CACNG7: variants seen among roughly 807,000 people sequenced by gnomAD.
CACNG7 encodes the protein voltage-dependent calcium channel gamma-7 subunit.
Under a neutral mutation model 26.3 loss-of-function variants are expected in CACNG7, and 9 were observed. The observed-to-expected ratio is 0.34, with a 90% CI of 0.21 to 0.60. CACNG7 has a LOEUF of 0.60. Ranked by LOEUF, CACNG7 falls within the 20% of genes least tolerant of loss-of-function variation. CACNG7 has a pLI of 0.81. For missense variants in CACNG7, 297 were observed against 380.4 expected (o/e 0.78, Z 1.82); for synonymous variants, 170 against 157.0 (o/e 1.08, Z -0.62).
In CACNG7 at chr19:53,942,602, T is replaced by C. The variant is rs1373240016; in HGVS notation, c.*309T>C. 1 of 1,264,642 alleles carries C rather than the reference T, an allele frequency of 7.9e-7. No homozygotes were observed. The highest frequency in any genetic ancestry group is 1.5e-5 in the African/African-American group (1 of 66,198). The allele number at this position is 1,264,642 out of a possible 1,614,324, so 78.3% of individuals were successfully genotyped here. ...AAGAAAATTAGCTCCTCCCTCGTTC[T>C]CCACCTGCTCTGAGCTGGGAGCAGC... On this transcript the variant is annotated 3_prime_UTR_variant, in exon 6 of 6. Coordinates refer to ENST00000391767, the MANE Select transcript of CACNG7 (RefSeq NM_031896.5). The surrounding 1 kb of genome is among the most constrained non-coding windows in gnomAD (Gnocchi z 5.9).
intron 2 of CACNG7, among the ~76,000 whole-genome samples, chr19:53,913,450 C>T (rs1017532226): frequency 5.3e-5 from 8 of 151,918 alleles, no homozygotes; most frequent in Non-Finnish European, 7.4e-5. Context: ...GGTGAAACCC[C>T]GTCTCTACTA....
chr19:53,929,488 G>A (rs756014286), intron 4 of CACNG7, among the ~76,000 whole-genome samples: 15 of 152,046 alleles, frequency 9.9e-5, no homozygotes, highest in Non-Finnish European at 1.6e-4. Flanking sequence ...ATGGAGTCTC[G>A]CTCTGTCGCC....
At chr19:53,925,418 G>T (rs1280070306) in intron 4 of CACNG7, among the ~76,000 whole-genome samples, 2 of 151,420 alleles carry the variant, frequency 1.3e-5, no homozygotes, top group African/African-American at 4.9e-5. Flanking sequence ...GGTCATTGGT[G>T]GAGTTGTCCC....
rs772144599 is a variant in CACNG7 at position 53,942,549 on chromosome 19, C to A, written c.*256C>A. The stretch of plus-strand genomic sequence containing the variant: ...AAATGACTCCTCCCCTTCGTTGGCC[C>A]GCCCCTTTCCTCTGGCCCCTCCTCT... On this transcript the variant is annotated 3_prime_UTR_variant, in exon 6 of 6. Coordinates refer to ENST00000391767, the MANE Select transcript of CACNG7 (RefSeq NM_031896.5). The surrounding 1 kb of genome is among the most constrained non-coding windows in gnomAD (Gnocchi z 5.9). The A allele has an allele frequency of 1.4e-6, 2 of 1,380,406 alleles. No homozygotes were observed. Among genetic ancestry groups the A allele is most frequent in the African/African-American group, 2.9e-5 (2 of 68,526 alleles). The allele number at this position is 1,380,406 out of a possible 1,614,324, so 85.5% of individuals were successfully genotyped here. A position where few individuals can be genotyped will look rare whatever the true frequency, so the allele number is the denominator to read the frequency against.
At position 53,923,549 on chromosome 19, in the gene CACNG7, T is replaced by TCTGGTCATTGGTGGAGTTGC. The variant is rs1568776455; in HGVS notation, c.424+8045_424+8046insTGGTCATTGGTGGAGTTGCC. On this transcript the variant is annotated intron_variant, in intron 4 of 5. Transcript: ENST00000391767. ...CCAGGTCTGGTCATTGGTGGAGTTG[T>TCTGGTCATTGGTGGAGTTGC]CCCAGGTCTGGTCATTGGTGGAGTT... Among the ~76,000 whole-genome samples the TCTGGTCATTGGTGGAGTTGC allele has an allele frequency of 9.0e-4, 50 of 55,392 alleles. 2 individuals are homozygous for TCTGGTCATTGGTGGAGTTGC. The highest frequency in any genetic ancestry group is 2.7e-3 in the African/African-American group (30 of 11,248). The allele number at this position is 55,392 out of a possible 152,430, so 36.3% of individuals were successfully genotyped here. A position where few individuals can be genotyped will look rare whatever the true frequency, so the allele number is the denominator to read the frequency against.
At chr19:53,913,451 G>A (rs575372029) in intron 2 of CACNG7, among the ~76,000 whole-genome samples, 15 of 152,082 alleles carry the variant, frequency 9.9e-5, no homozygotes, top group South Asian at 6.2e-4. Flanking sequence ...GTGAAACCCC[G>A]TCTCTACTAA....
intron 4 of CACNG7, among the ~76,000 whole-genome samples, chr19:53,933,440 T>TA (rs1363484755): frequency 3.3e-5 from 5 of 151,296 alleles, no homozygotes; most frequent in African/African-American, 1.2e-4. Flanking sequence ...GCTGGGACTA[T>TA]AGGCGCCCAA....
At chr19:53,938,094 C>T (rs1386650870) in intron 4 of CACNG7, among the ~76,000 whole-genome samples, 1 of 152,108 alleles carries the variant, frequency 6.6e-6, no homozygotes, top group Non-Finnish European at 1.5e-5. Context: ...CGCTTGTAAT[C>T]CCAGCACTTT....
intron 4 of CACNG7, among the ~76,000 whole-genome samples, chr19:53,941,021 C>T (rs1236836553): frequency 1.3e-5 from 2 of 151,276 alleles, no homozygotes; most frequent in Non-Finnish European, 2.9e-5. Flanking sequence ...GAGATCGGGC[C>T]ACTGCACTCC....
At chr19:53,927,271 G>A (rs1014900338) in intron 4 of CACNG7, among the ~76,000 whole-genome samples, 2 of 152,150 alleles carry the variant, frequency 1.3e-5, no homozygotes, top group Admixed American at 6.5e-5. Flanking sequence ...GAGCCTAGAG[G>A]TGTTGTTTGT....
intron 4 of CACNG7, among the ~76,000 whole-genome samples, chr19:53,922,654 G>T (rs1599979689): frequency 1.3e-5 from 1 of 76,926 alleles, no homozygotes; most frequent in East Asian, 3.1e-4. Flanking sequence ...CTGGTCATTG[G>T]TGCAGTTGTC....
At chr19:53,919,021 C>T (rs1599970860) in intron 4 of CACNG7, among the ~76,000 whole-genome samples, 1 of 152,224 alleles carries the variant, frequency 6.6e-6, no homozygotes, top group Non-Finnish European at 1.5e-5. Context: ...CCGCCCGCCT[C>T]GGCCTCCCGA....
At chr19:53,914,621 G>T (rs372523380) in intron 3 of CACNG7, 35 bp downstream of exon 3, 1 of 1,581,682 alleles carries the variant, frequency 6.3e-7, no homozygotes, top group Non-Finnish European at 8.7e-7. Context: ...GCACAAGACA[G>T]CAAGATCACA....
intron 4 of CACNG7, 38 bp downstream of exon 4, chr19:53,915,543 C>A: frequency 6.2e-7 from 1 of 1,610,252 alleles, no homozygotes; most frequent in South Asian, 1.1e-5. Flanking sequence ...GGGACCATTT[C>A]CAGTTCCAGG....
chr19:53,921,384 G>A, intron 4 of CACNG7, among the ~76,000 whole-genome samples: 1 of 146,286 alleles, frequency 6.8e-6, no homozygotes. Context: ...CTGGTCATTG[G>A]TGGAGTTGCC....
intron 4 of CACNG7, among the ~76,000 whole-genome samples, chr19:53,937,286 G>A (rs2069110883): frequency 2.0e-5 from 3 of 152,144 alleles, no homozygotes; most frequent in Admixed American, 1.3e-4. Context: ...TAAATTCCTG[G>A]AAGTGGGATT....
In CACNG7 at chr19:53,912,878, T is replaced by C; in HGVS notation, c.47T>C (p.Phe16Ser). Residue 16 changes from phenylalanine to serine, a missense_variant, in exon 2 of 6, where the codon TTT (phenylalanine) becomes TCT (serine). Physicochemically the swap from Phe to Ser is radical, Grantham distance 155. Coordinates refer to ENST00000391767, the MANE Select transcript of CACNG7 (RefSeq NM_031896.5). The surrounding 1 kb of genome is among the most constrained non-coding windows in gnomAD (Gnocchi z 4.6). Reference sequence around the variant, plus strand: ...GCCCTGACCCTGCTGAGCAGCGTGTTTGGTGCGTGTGGCCTGCTCCTGGTA... The same window carrying C: ...GCCCTGACCCTGCTGAGCAGCGTGTCTGGTGCGTGTGGCCTGCTCCTGGTA... ...SRALTLLSSV[F>S]GACGLLLVGI... 6.2e-7 allele frequency: 1 copy of C among 1,613,868 alleles called. No homozygotes were observed. Among genetic ancestry groups the C allele is most frequent in the East Asian group, 2.2e-5 (1 of 44,874 alleles).
chr19:53,922,025 C>A (rs530320641), intron 4 of CACNG7, among the ~76,000 whole-genome samples: 1 of 79,776 alleles, frequency 1.3e-5, no homozygotes, highest in East Asian at 3.0e-4. Context: ...CAGGTCTGGT[C>A]ATTGGTGGAG....
intron 4 of CACNG7, among the ~76,000 whole-genome samples, chr19:53,916,650 G>A (rs1326529489): frequency 6.1e-5 from 9 of 146,964 alleles, no homozygotes; most frequent in East Asian, 4.0e-4. Flanking sequence ...CACTACGCCC[G>A]GCTAATTTTC....
Sources: allele counts gnomAD v4.1 joint callset (sites outside exome capture counted in the v4.1 genomes callset), GRCh38; gene constraint gnomAD v4.1.1; non-coding constraint Gnocchi (gnomAD v3.1); transcripts MANE v1.5; gene names NCBI Gene and HGNC (gene_info 2026-07-23, HGNC 2026-07-21).